RNF11: variants seen among roughly 807,000 people sequenced by gnomAD.
RNF11 encodes the protein ring finger protein 11.
RNF11 carries 4 observed loss-of-function variants against 15.8 expected under a neutral mutation model. That is an observed-to-expected ratio of 0.25 (90% confidence interval 0.12 to 0.58). The LOEUF is 0.58. Ranked by LOEUF, RNF11 falls within the 20% of genes least tolerant of loss-of-function variation. The pLI, the probability that RNF11 is intolerant of heterozygous loss-of-function variation, is 0.91. For synonymous variants in RNF11, 68 were observed against 72.3 expected, an observed-to-expected ratio of 0.94 and a Z score of 0.30; for missense variants, 139 against 194.4, an observed-to-expected ratio of 0.71 and a Z score of 1.70.
intron 1 of RNF11, among the ~76,000 whole-genome samples, chr1:51,254,755 A>T (rs1206034469): frequency 6.6e-5 from 10 of 152,022 alleles, no homozygotes; most frequent in Non-Finnish European, 1.2e-4. Context: ...AAGCCACTGC[A>T]CCCGGCCATT....
chr1:51,251,370 C>T, intron 1 of RNF11: 1 of 1,475,834 alleles, frequency 6.8e-7, no homozygotes, highest in Middle Eastern at 2.4e-4. Context: ...ACGGCTGCGA[C>T]CCCGGCCCCG....
In RNF11 at chr1:51,271,605, G is replaced by A. The variant is rs767062438; in HGVS notation, c.*283G>A. ...CCAGTACATAGGAATTGTGTAAAGT[G>A]TTAACAGCAGCTGTATTTGTTTAAA... On this transcript the variant is annotated 3_prime_UTR_variant, in exon 3 of 3. Coordinates refer to ENST00000242719, the MANE Select transcript of RNF11 (RefSeq NM_014372.5). 5 of 225,882 alleles carry A rather than the reference G, an allele frequency of 2.2e-5. No individual in the cohort carries two copies. The highest frequency in any genetic ancestry group is 4.5e-5 in the African/African-American group (2 of 44,558). The allele number at this position is 225,882 out of a possible 1,614,324, so 14.0% of individuals were successfully genotyped here. A position where few individuals can be genotyped will look rare whatever the true frequency, so the allele number is the denominator to read the frequency against.
At chr1:51,261,112 T>C (rs979776355) in intron 1 of RNF11, among the ~76,000 whole-genome samples, 3 of 152,166 alleles carry the variant, frequency 2.0e-5, no homozygotes, top group African/African-American at 7.2e-5. Flanking sequence ...ATTTTGTTTC[T>C]CAAAAATGTT....
At position 51,248,199 on chromosome 1, in the gene RNF11, CTTTTTCTTTTTT is replaced by C. The variant is rs1365336396; in HGVS notation, c.123+11326_123+11337del. Among the ~76,000 whole-genome samples, 4 of 120,966 alleles carry C rather than the reference CTTTTTCTTTTTT, an allele frequency of 3.3e-5. No individual in the cohort carries two copies. The South Asian group carries it at 1.1e-3, about 32-fold the overall frequency. The allele number at this position is 120,966 out of a possible 152,430, so 79.4% of individuals were successfully genotyped here. ...CATTTACAGTGCTATACTGTATTTT[CTTTTTCTTTTTT>C]TTTTTTTTGGCTTTGAGATGGAGTC... On this transcript the variant is annotated intron_variant, in intron 1 of 2. Transcript: ENST00000242719.
At chr1:51,242,068 G>A (rs779445354) in intron 1 of RNF11, among the ~76,000 whole-genome samples, 1 of 151,994 alleles carries the variant, frequency 6.6e-6, no homozygotes, top group East Asian at 1.9e-4. Flanking sequence ...CTTCTTCCCC[G>A]ACCTATACTT....
chr1:51,251,368 G>A (rs1368866140), intron 1 of RNF11: 12 of 1,490,200 alleles, frequency 8.1e-6, no homozygotes, highest in African/African-American at 2.8e-5. Context: ...CTACGGCTGC[G>A]ACCCCGGCCC....
chr1:51,245,256 A>G (rs1646846539), intron 1 of RNF11, among the ~76,000 whole-genome samples: 1 of 151,330 alleles, frequency 6.6e-6, no homozygotes, highest in Non-Finnish European at 1.5e-5. Context: ...CGGGTCAAGC[A>G]GTCCTCCCAT....
chr1:51,251,954 C>T (rs112942527), intron 1 of RNF11, among the ~76,000 whole-genome samples: 1 of 151,740 alleles, frequency 6.6e-6, no homozygotes, highest in Non-Finnish European at 1.5e-5. Context: ...TAGTGCATGC[C>T]TGTAATCTCA....
intron 1 of RNF11, among the ~76,000 whole-genome samples, chr1:51,268,745 A>G (rs922347170): frequency 1.3e-5 from 2 of 152,198 alleles, no homozygotes; most frequent in African/African-American, 4.8e-5. Context: ...CAGGAAGGTA[A>G]TTTAGACTGG....
chr1:51,269,990 C>G lies in RNF11; in HGVS notation c.158C>G (p.Pro53Arg). The G allele has an allele frequency of 6.2e-7, 1 of 1,613,544 alleles. No homozygotes were observed. The highest frequency in any genetic ancestry group is 8.5e-7 in the Non-Finnish European group (1 of 1,179,812). ...CCAGTTCCAGTCTACCACCCAACAC[C>G]TAGCCAGACTCGGCTAGCAACTCAG... ...QVPVPVYHPT[P>R]SQTRLATQLT... Residue 53 changes from proline (P) to arginine (R), a missense_variant, in exon 2 of 3, where the codon CCT becomes CGT. Transcript: ENST00000242719.
At chr1:51,267,333 G>T (rs990387531) in intron 1 of RNF11, among the ~76,000 whole-genome samples, 7 of 152,298 alleles carry the variant, frequency 4.6e-5, no homozygotes, top group East Asian at 1.9e-4. Context: ...CCTAGCACTG[G>T]CGTTGGAGGT....
chr1:51,256,722 A>T (rs1646905811), intron 1 of RNF11, among the ~76,000 whole-genome samples: 1 of 152,076 alleles, frequency 6.6e-6, no homozygotes, highest in Admixed American at 6.6e-5. Flanking sequence ...CCCAGGCTGG[A>T]GTACAGTATG....
At chr1:51,246,979 TA>T (rs58842374) in intron 1 of RNF11, among the ~76,000 whole-genome samples, 3,271 of 126,414 alleles carry the variant, frequency 0.026, 61 homozygotes, top group African/African-American at 0.051. Flanking sequence ...CCTTATCTCT[TA>T]AAAAAAAAAA....
chr1:51,246,214 T>C (rs1646851029), intron 1 of RNF11, among the ~76,000 whole-genome samples: 1 of 151,878 alleles, frequency 6.6e-6, no homozygotes, highest in African/African-American at 2.4e-5. Context: ...GTGTTGAGGC[T>C]AGGTTGCGCT....
intron 1 of RNF11, among the ~76,000 whole-genome samples, chr1:51,253,626 A>G (rs968782940): frequency 2.0e-5 from 3 of 152,228 alleles, no homozygotes; most frequent in Middle Eastern, 3.4e-3. Flanking sequence ...AATGATCTCC[A>G]TGTTCTCTGT....
chr1:51,271,989 G>A lies in RNF11; in HGVS notation c.*667G>A, dbSNP rs1490778479. 1 of 152,620 alleles carries A rather than the reference G, an allele frequency of 6.6e-6. No individual in the cohort carries two copies. Among genetic ancestry groups the A allele is most frequent in the Non-Finnish European group, 1.5e-5 (1 of 68,030 alleles). 9.5% of individuals were successfully genotyped at this position (152,620 alleles called of 1,614,324 possible). A position where few individuals can be genotyped will look rare whatever the true frequency, so the allele number is the denominator to read the frequency against. ...AGAATTCAAAGTGATCTCCTAGCTT[G>A]TAAGCAAACTGAGATGCACTATCCC... On this transcript the variant is annotated 3_prime_UTR_variant, in exon 3 of 3. Coordinates refer to ENST00000242719, the MANE Select transcript of RNF11 (RefSeq NM_014372.5).
intron 1 of RNF11, among the ~76,000 whole-genome samples, chr1:51,245,247 G>A (rs181402426): frequency 1.5e-4 from 23 of 151,930 alleles, no homozygotes; most frequent in African/African-American, 4.6e-4. Flanking sequence ...TTGTAGAGAC[G>A]GGTCAAGCAG....
At chr1:51,259,113 C>T (rs541040549) in intron 1 of RNF11, among the ~76,000 whole-genome samples, 1 of 152,294 alleles carries the variant, frequency 6.6e-6, no homozygotes, top group African/African-American at 2.4e-5. Flanking sequence ...TGAATTTGCT[C>T]TCCAGGAAAC....
chr1:51,260,308 A>T (rs1455663999), intron 1 of RNF11, among the ~76,000 whole-genome samples: 1 of 152,192 alleles, frequency 6.6e-6, no homozygotes, highest in South Asian at 2.1e-4. Context: ...GGTTTTGGTT[A>T]GAGTCCTTGG....
Sources: allele counts gnomAD v4.1 joint callset (sites outside exome capture counted in the v4.1 genomes callset), GRCh38; gene constraint gnomAD v4.1.1; transcripts MANE v1.5; gene names NCBI Gene and HGNC (gene_info 2026-07-23, HGNC 2026-07-21).